The following CORO1B variants were observed in gnomAD, a reference collection of about 807,000 sequenced individuals.
The protein encoded by CORO1B is coronin 1B.
A neutral mutation model predicts 51.1 loss-of-function variants in CORO1B; 30 were observed. The observed-to-expected ratio is 0.59, with a 90% confidence interval of 0.44 to 0.80. The LOEUF (loss-of-function observed/expected upper bound fraction) is 0.80. Among genes scored for constraint, CORO1B ranks in the 30% least tolerant of loss-of-function variants. CORO1B has a pLI of 0.00. For synonymous variants in CORO1B, 310 were observed against 289.7 expected, an observed-to-expected ratio of 1.07 and a Z score of -0.71; for missense variants, 648 against 700.4, an observed-to-expected ratio of 0.93 and a Z score of 0.84.
chr11:67,435,584 G>A lies in CORO1B; in HGVS notation c.*2792C>T, dbSNP rs976555295. On this transcript the variant is annotated 3_prime_UTR_variant, in exon 11 of 11. Coordinates refer to ENST00000341356, the MANE Select transcript of CORO1B (RefSeq NM_020441.3). Reference sequence around the variant, plus strand: ...GGGGGGGGCCGTTCCCGTGGTGAGCGGGGTACACATGGACTTGGGAACTGG... The same window carrying A: ...GGGGGGGGCCGTTCCCGTGGTGAGCAGGGTACACATGGACTTGGGAACTGG... 43 of 1,218,374 alleles carry A rather than the reference G, an allele frequency of 3.5e-5. No homozygotes were observed. The highest frequency in any genetic ancestry group is 3.8e-5 in the Non-Finnish European group (34 of 897,774). 75.5% of individuals were successfully genotyped at this position (1,218,374 alleles called of 1,614,324 possible). A position where few individuals can be genotyped will look rare whatever the true frequency, so the allele number is the denominator to read the frequency against.
At chr11:67,441,657 G>A (rs1280267940) in intron 4 of CORO1B, 76 bp downstream of exon 4, 1 of 1,544,666 alleles carries the variant, frequency 6.5e-7, no homozygotes, top group South Asian at 1.1e-5. Context: ...TTTGTCATGT[G>A]GGCCCTGGAG....
intron 1 of CORO1B, 96 bp from the exon 2 acceptor site, chr11:67,442,726 G>T (rs1308253173): frequency 2.3e-6 from 3 of 1,279,386 alleles, no homozygotes; most frequent in Non-Finnish European, 3.3e-6. Context: ...GCAACCGGGG[G>T]CCAGGCCACC....
Position 67,438,662 on chromosome 11 carries a change from C to T in CORO1B, c.1344+9G>A, listed in dbSNP as rs1384539216. On this transcript the variant is annotated intron_variant, in intron 10 of 10. Coordinates refer to ENST00000341356, the MANE Select transcript of CORO1B (RefSeq NM_020441.3). Reference sequence around the variant, plus strand: ...GCTCCCAGCACCACCCCTGCCTGCGCGTGCATACCCCGGCTCTGGCCAGGC... The same window carrying T: ...GCTCCCAGCACCACCCCTGCCTGCGTGTGCATACCCCGGCTCTGGCCAGGC... 8.5e-6 allele frequency: 13 copies of T among 1,529,272 alleles called. No individual in the cohort carries two copies. The highest frequency in any genetic ancestry group is 4.9e-5 in the East Asian group (2 of 41,002). The allele number at this position is 1,529,272 out of a possible 1,614,324, so 94.7% of individuals were successfully genotyped here.
Position 67,440,220 on chromosome 11 carries a change from G to A in CORO1B, c.905C>T (p.Pro302Leu). 3 of 1,613,944 alleles carry A rather than the reference G, an allele frequency of 1.9e-6. No homozygotes were observed. The highest frequency in any genetic ancestry group is 2.5e-6 in the Non-Finnish European group (3 of 1,179,998). The change falls in exon 8 of 11, where the codon CCC becomes CTC. Residue 302 changes from proline (P) to leucine (L), a missense_variant. Physicochemically the swap from Pro to Leu is moderately conservative, Grantham distance 98. Coordinates refer to ENST00000341356, the MANE Select transcript of CORO1B (RefSeq NM_020441.3). ...IRYFEITEEPPYIHFLNTFTS... is the reference protein window; with the variant it reads ...IRYFEITEEPLYIHFLNTFTS... ...GAACGTGTTCAGGAAGTGGATGTAG[G>A]GAGGCTCCTCTGTGATCTCAAAGTA...
chr11:67,438,763 C>T lies in CORO1B; in HGVS notation c.1252G>A (p.Ala418Thr), dbSNP rs11601245. ...RRNVLSDSRP[A>T]MAPGSSHLGA... ...AGGTGGGAGGAGCCCGGGGCCATGG[C>T]GGGCCGGCTGTCAGACAACACGTTG... The change falls in exon 10 of 11, where the codon GCC (alanine) becomes ACC (threonine). Residue 418 changes from alanine (A) to threonine (T), a missense_variant. Transcript: ENST00000341356. The T allele has an allele frequency of 9.3e-3, 14,589 of 1,570,792 alleles. 75 individuals are homozygous for T. Among genetic ancestry groups the T allele is most frequent in the Middle Eastern group, 0.012 (62 of 5,146 alleles).
rs1015949433 is a variant in CORO1B, at chr11:67,436,602, C to G, written c.*1774G>C. On this transcript the variant is annotated 3_prime_UTR_variant, in exon 11 of 11. Coordinates refer to ENST00000341356, the MANE Select transcript of CORO1B (RefSeq NM_020441.3). ...CATTAAGCCACCTGCCTGGGGCCTT[C>G]GCACTGGCTGTTCCCTCTGCCCGGA... is the stretch of plus-strand genomic sequence containing the variant. The G allele has an allele frequency of 2.4e-6, 1 of 413,606 alleles. No homozygotes were observed. Among genetic ancestry groups the G allele is most frequent in the Non-Finnish European group, 4.3e-6 (1 of 234,808 alleles). 25.6% of individuals were successfully genotyped at this position (413,606 alleles called of 1,614,324 possible).
rs768068058 is a variant in CORO1B, at chr11:67,435,923, G to A, written c.*2453C>T. 6.2e-7 allele frequency: 1 copy of A among 1,613,122 alleles called. No individual in the cohort carries two copies. Among genetic ancestry groups the A allele is most frequent in the Non-Finnish European group, 8.5e-7 (1 of 1,179,796 alleles). On this transcript the variant is annotated 3_prime_UTR_variant, in exon 11 of 11. Coordinates refer to ENST00000341356, the MANE Select transcript of CORO1B (RefSeq NM_020441.3). ...GTCTCTGGCTTCCTCAGCCCGCACG[G>A]GGACCTGCTCTGGGCTGGACGCCTC...
intron 9 of CORO1B, 137 bp downstream of exon 9, chr11:67,439,649 C>A: frequency 1.1e-6 from 1 of 948,726 alleles, no homozygotes; most frequent in Non-Finnish European, 1.6e-6. Context: ...GGTACAAGGG[C>A]AAGCTGGCAT....
In CORO1B at chr11:67,441,173, G is replaced by A. The variant is rs755075143; in HGVS notation, c.708C>T (p.Thr236=). 6.2e-7 allele frequency: 1 copy of A among 1,613,152 alleles called. No individual in the cohort carries two copies. The highest frequency in any genetic ancestry group is 1.1e-5 in the South Asian group (1 of 91,088). Reference sequence around the variant, plus strand: ...GCTCGCTCATTCGGCTGAAGCCTGTGGTGAACACCTTGCCATCTGCCAGGA... The same window carrying A: ...GCTCGCTCATTCGGCTGAAGCCTGTAGTGAACACCTTGCCATCTGCCAGGA... ...AIFLADGKVF[T]TGFSRMSERQ... The change falls in exon 6 of 11, where the codon ACC becomes ACT. Residue 236 remains threonine (T), a synonymous_variant. Coordinates refer to ENST00000341356, the MANE Select transcript of CORO1B (RefSeq NM_020441.3).
Position 67,436,158 on chromosome 11 carries a change from GGTA to G in CORO1B, c.*2215_*2217del, listed in dbSNP as rs1323143094. 3 of 1,566,140 alleles carry G rather than the reference GGTA, an allele frequency of 1.9e-6. No individual in the cohort carries two copies. Among genetic ancestry groups the G allele is most frequent in the Non-Finnish European group, 2.6e-6 (3 of 1,155,692 alleles). On this transcript the variant is annotated 3_prime_UTR_variant, in exon 11 of 11. Transcript: ENST00000341356. The stretch of plus-strand genomic sequence containing the variant: ...AGCGCGGCACCTAGGCGGGCCGGGT[GGTA>G]GTAGCCCCCTGAGTCACGGCTGAGG...
Position 67,438,132 on chromosome 11 carries a change from C to T in CORO1B, c.*244G>A, listed in dbSNP as rs1864323348. 2.2e-6 allele frequency: 1 copy of T among 456,150 alleles called. No homozygotes were observed. Among genetic ancestry groups the T allele is most frequent in the Non-Finnish European group, 3.9e-6 (1 of 258,854 alleles). The allele number at this position is 456,150 out of a possible 1,614,324, so 28.3% of individuals were successfully genotyped here. A position where few individuals can be genotyped will look rare whatever the true frequency, so the allele number is the denominator to read the frequency against. ...TCTGGGGAGGGAGCAGAGGGCTGGG[C>T]AGTGGTCGGGGAGATGGTCCCTCAG... On this transcript the variant is annotated 3_prime_UTR_variant, in exon 11 of 11. Transcript: ENST00000341356.
rs1372916050 is a variant in CORO1B at position 67,440,459 on chromosome 11, C to T, written c.757-20G>A. 11 of 1,610,350 alleles carry T rather than the reference C, an allele frequency of 6.8e-6. No individual in the cohort carries two copies. The highest frequency in any genetic ancestry group is 9.3e-6 in the Non-Finnish European group (11 of 1,177,476). On this transcript the variant is annotated intron_variant, in intron 6 of 10. Transcript: ENST00000341356. ...GTTTTCCTGGCACATTGCAGGCAGT[C>T]AGGCCAAGCAGAACCTCCTCACCCC...
chr11:67,440,747 A>G (rs1045434014), intron 6 of CORO1B: 83 of 648,088 alleles, frequency 1.3e-4, no homozygotes, highest in Non-Finnish European at 2.1e-4. Context: ...CCCCTGCTCA[A>G]GGTGCCCTGG....
Position 67,443,426 on chromosome 11 carries a change from G to C in CORO1B, c.-25C>G. ...CACCGGGGGCACCGGGGGCGCAGGG[G>C]GCTGCGGCACCGGCTTCGGGCGGCT... On this transcript the variant is annotated 5_prime_UTR_variant, in exon 1 of 11. Coordinates refer to ENST00000341356, the MANE Select transcript of CORO1B (RefSeq NM_020441.3). 2.0e-6 allele frequency: 2 copies of C among 984,222 alleles called. No individual in the cohort carries two copies. Among genetic ancestry groups the C allele is most frequent in the Non-Finnish European group, 2.4e-6 (2 of 828,204 alleles). The allele number at this position is 984,222 out of a possible 1,614,324, so 61.0% of individuals were successfully genotyped here.
chr11:67,437,790 C>T lies in CORO1B; in HGVS notation c.*586G>A, dbSNP rs2135138624. 2 of 607,280 alleles carry T rather than the reference C, an allele frequency of 3.3e-6. No homozygotes were observed. The highest frequency in any genetic ancestry group is 1.9e-5 in the African/African-American group (1 of 52,344). The allele number at this position is 607,280 out of a possible 1,614,324, so 37.6% of individuals were successfully genotyped here. A position where few individuals can be genotyped will look rare whatever the true frequency, so the allele number is the denominator to read the frequency against. ...GGACCCCTGGTCCACACCAGACCCT[C>T]CCCAGTCTCTCTGGAGGAGGCTGGG... On this transcript the variant is annotated 3_prime_UTR_variant, in exon 11 of 11. Transcript: ENST00000341356.
chr11:67,435,665 G>T lies in CORO1B; in HGVS notation c.*2711C>A. ...TGGGCTGGGGGTCCAGTCCAGCCAT[G>T]GCATCTTGGGAAGCAGAGGCACGGG... On this transcript the variant is annotated 3_prime_UTR_variant, in exon 11 of 11. Coordinates refer to ENST00000341356, the MANE Select transcript of CORO1B (RefSeq NM_020441.3). 1 of 1,493,144 alleles carries T rather than the reference G, an allele frequency of 6.7e-7. No homozygotes were observed. Among genetic ancestry groups the T allele is most frequent in the South Asian group, 1.3e-5 (1 of 74,240 alleles). The allele number at this position is 1,493,144 out of a possible 1,614,324, so 92.5% of individuals were successfully genotyped here. A position where few individuals can be genotyped will look rare whatever the true frequency, so the allele number is the denominator to read the frequency against.
chr11:67,436,571 C>A lies in CORO1B; in HGVS notation c.*1805G>T, dbSNP rs779213114. Reference sequence around the variant, plus strand: ...CCTCCCTACCACTCACCTCCCCCAACAGCTGCATTAAGCCACCTGCCTGGG... The same window carrying A: ...CCTCCCTACCACTCACCTCCCCCAAAAGCTGCATTAAGCCACCTGCCTGGG... On this transcript the variant is annotated 3_prime_UTR_variant, in exon 11 of 11. Transcript: ENST00000341356. 7 of 471,500 alleles carry A rather than the reference C, an allele frequency of 1.5e-5. No homozygotes were observed. Among genetic ancestry groups the A allele is most frequent in the Non-Finnish European group, 2.5e-5 (7 of 279,274 alleles). The allele number at this position is 471,500 out of a possible 1,614,324, so 29.2% of individuals were successfully genotyped here. A position where few individuals can be genotyped will look rare whatever the true frequency, so the allele number is the denominator to read the frequency against.
chr11:67,441,953 TCC>T lies in CORO1B; in HGVS notation c.324+11_324+12del, dbSNP rs756543084. 2.5e-6 allele frequency: 4 copies of T among 1,611,744 alleles called. No homozygotes were observed. In the East Asian group the frequency reaches 8.9e-5, roughly 36 times the overall value. On this transcript the variant is annotated intron_variant, in intron 3 of 10. Transcript: ENST00000341356. Reference sequence around the variant, plus strand: ...ACACCCACGACCCTGGCCCAGCCAGTCCTGTGCCTCACCATGACCGTGCAGTC... The same window carrying T: ...ACACCCACGACCCTGGCCCAGCCAGTTGTGCCTCACCATGACCGTGCAGTC...
intron 6 of CORO1B, 75 bp downstream of exon 6, chr11:67,441,050 C>A (rs1349576020): frequency 6.2e-7 from 1 of 1,607,316 alleles, no homozygotes; most frequent in Non-Finnish European, 8.5e-7. Flanking sequence ...ACAGGCCTCC[C>A]CAGGGTGAAC....
Sources: allele counts gnomAD v4.1 joint callset, GRCh38; gene constraint gnomAD v4.1.1; transcripts MANE v1.5; gene names NCBI Gene and HGNC (gene_info 2026-07-23, HGNC 2026-07-21).